Variants in CSMD1 observed in about 807,000 individuals in gnomAD.
The protein encoded by CSMD1 is CUB and sushi domain-containing protein 1.
CSMD1 carries 213 observed loss-of-function variants against 417.5 expected under a neutral mutation model. The observed-to-expected ratio is 0.51, with a 90% CI of 0.46 to 0.57. The LOEUF (loss-of-function observed/expected upper bound fraction) is 0.57. Ranked by LOEUF, CSMD1 falls within the 20% of genes least tolerant of loss-of-function variation. The probability of loss-of-function intolerance (pLI) is 0.00; values close to 1 mark genes in which losing one functional copy is unlikely to be tolerated. For missense variants in CSMD1, 6,923 were observed against 4,529.7 expected (o/e 1.53, Z -15.17); for synonymous variants, 2,862 against 1,736.8 (o/e 1.65, Z -16.11).
chr8:3,708,509 A>G lies in CSMD1; in HGVS notation c.932-18T>C. On this transcript the variant is annotated intron_variant, in intron 6 of 69. Transcript: ENST00000635120. ...CTTTTTCACTGGAAGAAACAAAACCAAGCCATTAGCAGGTAAGACTTGGAG... is the reference window on the plus strand; with the variant it reads ...CTTTTTCACTGGAAGAAACAAAACCGAGCCATTAGCAGGTAAGACTTGGAG... 6.2e-7 allele frequency: 1 copy of G among 1,610,526 alleles called. No homozygotes were observed. Among genetic ancestry groups the G allele is most frequent in the Admixed American group, 1.7e-5 (1 of 60,016 alleles).
intron 3 of CSMD1, among the ~76,000 whole-genome samples, chr8:4,127,345 C>G (rs181994202): frequency 8.0e-4 from 122 of 151,584 alleles, no homozygotes; most frequent in African/African-American, 2.8e-3. Context: ...ACAAGCCTCT[C>G]CCTTCCTTCT....
intron 5 of CSMD1, among the ~76,000 whole-genome samples, chr8:3,852,677 T>TA (rs35946350): frequency 0.36 from 54,827 of 151,552 alleles, 11,083 homozygotes; most frequent in African/African-American, 0.54. Context: ...TGAATGGTGA[T>TA]GGGGGTGGGG....
At chr8:4,397,446 C>T (rs140393008) in intron 3 of CSMD1, among the ~76,000 whole-genome samples, 4 of 148,354 alleles carry the variant, frequency 2.7e-5, no homozygotes, top group African/African-American at 5.0e-5. Context: ...AAGAAAGCTT[C>T]GGGAGATACG....
chr8:4,631,527 T>C (rs1052261591), intron 2 of CSMD1, among the ~76,000 whole-genome samples: 1 of 152,034 alleles, frequency 6.6e-6, no homozygotes, highest in Non-Finnish European at 1.5e-5. Context: ...CCTAATGTAA[T>C]TGAGACCCTT....
At chr8:3,681,029 G>T (rs781212428) in intron 7 of CSMD1, among the ~76,000 whole-genome samples, 4 of 152,098 alleles carry the variant, frequency 2.6e-5, no homozygotes, top group Admixed American at 6.6e-5. Flanking sequence ...GGTATTGATG[G>T]GACGTATCTC....
intron 3 of CSMD1, among the ~76,000 whole-genome samples, chr8:4,260,025 CTTTTT>C (rs5889029): frequency 2.7e-5 from 4 of 150,666 alleles, no homozygotes; most frequent in Admixed American, 6.6e-5. Flanking sequence ...CTTGTGCACA[CTTTTT>C]TTTTTTTAAC....
At chr8:3,538,328 G>A (rs770529719) in intron 10 of CSMD1, among the ~76,000 whole-genome samples, 1 of 152,146 alleles carries the variant, frequency 6.6e-6, no homozygotes, top group Non-Finnish European at 1.5e-5. Flanking sequence ...TGCCTCATCT[G>A]AGATTATGCA....
At chr8:3,900,084 A>C (rs781075191) in intron 5 of CSMD1, among the ~76,000 whole-genome samples, 5 of 151,972 alleles carry the variant, frequency 3.3e-5, no homozygotes, top group Non-Finnish European at 7.4e-5. Flanking sequence ...GTGACAGTGC[A>C]GCTGTGTGAT....
At chr8:4,038,623 C>G (rs1445774260) in intron 3 of CSMD1, among the ~76,000 whole-genome samples, 1 of 152,234 alleles carries the variant, frequency 6.6e-6, no homozygotes, top group Non-Finnish European at 1.5e-5. Flanking sequence ...TAAATACCTA[C>G]TGAGTTGACA....
intron 66 of CSMD1, among the ~76,000 whole-genome samples, chr8:2,950,656 T>C (rs929015138): frequency 4.6e-5 from 7 of 152,090 alleles, no homozygotes; most frequent in African/African-American, 1.2e-4. Flanking sequence ...TAAAAAAGTA[T>C]ACAGTAAAAA....
At chr8:2,977,166 G>A (rs1267772216) in intron 55 of CSMD1, among the ~76,000 whole-genome samples, 1 of 152,036 alleles carries the variant, frequency 6.6e-6, no homozygotes, top group African/African-American at 2.4e-5. Flanking sequence ...TGTTACGCAG[G>A]GAAATGTGTG....
At chr8:3,177,105 T>A (rs892308600) in intron 37 of CSMD1, among the ~76,000 whole-genome samples, 2 of 151,778 alleles carry the variant, frequency 1.3e-5, no homozygotes, top group African/African-American at 4.8e-5. Context: ...AAGGACAAAC[T>A]CCCCCAGAAG....
chr8:4,437,844 C>A (rs1296279607), intron 2 of CSMD1, among the ~76,000 whole-genome samples: 1 of 152,134 alleles, frequency 6.6e-6, no homozygotes, highest in Non-Finnish European at 1.5e-5. Context: ...CTGTGCAGGT[C>A]TGCCCCTAGT....
intron 3 of CSMD1, among the ~76,000 whole-genome samples, chr8:4,209,911 G>T (rs1355329769): frequency 6.6e-6 from 1 of 152,182 alleles, no homozygotes; most frequent in Non-Finnish European, 1.5e-5. Flanking sequence ...GGTCTCCATG[G>T]AAAGCGGTGA....
At chr8:4,365,451 T>C (rs77298471) in intron 3 of CSMD1, among the ~76,000 whole-genome samples, 6,233 of 152,304 alleles carry the variant, frequency 0.041, 369 homozygotes, top group African/African-American at 0.13. Context: ...CATTTCTTTT[T>C]AGATTGTCTG....
intron 4 of CSMD1, among the ~76,000 whole-genome samples, chr8:4,013,712 G>C (rs1320491340): frequency 6.6e-6 from 1 of 152,202 alleles, no homozygotes; most frequent in Admixed American, 6.5e-5. Context: ...AGCCCCAGCA[G>C]CTACAACAAA....
At chr8:4,760,667 G>T (rs1008646333) in intron 1 of CSMD1, among the ~76,000 whole-genome samples, 2 of 152,020 alleles carry the variant, frequency 1.3e-5, no homozygotes, top group South Asian at 4.1e-4. Flanking sequence ...GTAACATTTT[G>T]TCTATTTCCT....
intron 52 of CSMD1, among the ~76,000 whole-genome samples, chr8:3,017,924 C>G (rs75652029): frequency 0.037 from 5,487 of 148,208 alleles, 132 homozygotes; most frequent in African/African-American, 0.075. Context: ...TCACTCTTTA[C>G]TAATACTTGT....
At chr8:4,344,897 C>G (rs891366433) in intron 3 of CSMD1, among the ~76,000 whole-genome samples, 5 of 152,056 alleles carry the variant, frequency 3.3e-5, no homozygotes, top group Non-Finnish European at 5.9e-5. Context: ...ACGTCATGGA[C>G]AAGAACAGGC....
Sources: gnomAD v4.1 joint callset for allele counts (sites outside exome capture counted in the v4.1 genomes callset) on GRCh38, gnomAD v4.1.1 for gene constraint, MANE v1.5 for transcripts, NCBI Gene and HGNC (gene_info 2026-07-23, HGNC 2026-07-21) for gene names.